The following EYA4 variants were observed in gnomAD, a reference collection of about 807,000 sequenced individuals.
EYA4 encodes protein phosphatase EYA4.
In EYA4, 31 loss-of-function variants were observed where a neutral mutation model predicts 87.9. The observed-to-expected ratio is 0.35, with a 90% CI of 0.27 to 0.48. The LOEUF is 0.48. Among genes scored for constraint, EYA4 ranks in the 20% least tolerant of loss-of-function variants. EYA4 has a pLI of 0.99. For missense variants in EYA4, 678 were observed against 761.4 expected, an observed-to-expected ratio of 0.89 and a Z score of 1.29; for synonymous variants, 263 against 270.6, an observed-to-expected ratio of 0.97 and a Z score of 0.28.
At chr6:133,526,284 G>C (rs1800624700) in intron 19 of EYA4, among the ~76,000 whole-genome samples, 1 of 152,080 alleles carries the variant, frequency 6.6e-6, no homozygotes, top group Non-Finnish European at 1.5e-5. Flanking sequence ...AGCCTATACT[G>C]TTTTACATAG....
chr6:133,299,955 C>CTGTCTATATA (rs1554220544), intron 2 of EYA4, among the ~76,000 whole-genome samples: 1 of 106,208 alleles, frequency 9.4e-6, no homozygotes, highest in African/African-American at 3.4e-5. Context: ...ATCTATCTAT[C>CTGTCTATATA]TATATATATA....
intron 3 of EYA4, among the ~76,000 whole-genome samples, chr6:133,393,827 A>G (rs537219801): frequency 1.3e-5 from 2 of 152,128 alleles, no homozygotes; most frequent in South Asian, 4.1e-4. Context: ...ATCTTCTAAG[A>G]CTAGGGCTCT....
chr6:133,473,690 C>T (rs183105043), intron 11 of EYA4, among the ~76,000 whole-genome samples: 108 of 152,000 alleles, frequency 7.1e-4, no homozygotes, highest in Non-Finnish European at 1.4e-3. Flanking sequence ...GGCACACAGC[C>T]CCTTTGAATT....
intron 3 of EYA4, among the ~76,000 whole-genome samples, chr6:133,383,799 A>G (rs866781986): frequency 6.6e-6 from 1 of 152,152 alleles, no homozygotes; most frequent in African/African-American, 2.4e-5. Flanking sequence ...AACTAATTTT[A>G]GATTATTGGA....
chr6:133,321,800 G>C (rs751462304), intron 2 of EYA4, among the ~76,000 whole-genome samples: 1 of 152,110 alleles, frequency 6.6e-6, no homozygotes, highest in Non-Finnish European at 1.5e-5. Flanking sequence ...GGGAAAATGA[G>C]CACCACACGA....
At chr6:133,315,271 T>C (rs2128340255) in intron 2 of EYA4, among the ~76,000 whole-genome samples, 1 of 152,284 alleles carries the variant, frequency 6.6e-6, no homozygotes, top group East Asian at 1.9e-4. Context: ...CTGTTTTTTA[T>C]AGAATATTTT....
rs77517312 is a variant in EYA4 at position 133,353,827 on chromosome 6, A to G, written c.34-28565A>G. 7.9e-3 allele frequency among the ~76,000 whole-genome samples: 1,204 copies of G among 152,302 alleles called. 19 individuals are homozygous for G. The highest frequency in any genetic ancestry group is 0.027 in the African/African-American group (1,130 of 41,576). ...CTTATCTTGAGTAGTTTTAACTTCT[A>G]TTAAAATGAGATGTGCGAGTTCATT... is the stretch of plus-strand genomic sequence containing the variant. On this transcript the variant is annotated intron_variant, in intron 2 of 19. Coordinates refer to ENST00000355286, the MANE Select transcript of EYA4 (RefSeq NM_004100.5).
intron 3 of EYA4, among the ~76,000 whole-genome samples, chr6:133,441,118 T>G (rs189844732): frequency 6.6e-6 from 1 of 152,262 alleles, no homozygotes; most frequent in Non-Finnish European, 1.5e-5. Context: ...TTTCTCCTGT[T>G]TTTTTGATAA....
intron 2 of EYA4, among the ~76,000 whole-genome samples, chr6:133,300,198 C>T (rs1779286654): frequency 6.6e-6 from 1 of 151,142 alleles, no homozygotes; most frequent in South Asian, 2.1e-4. Context: ...ATAATCTTCA[C>T]GTTGAATAGG....
intron 3 of EYA4, among the ~76,000 whole-genome samples, chr6:133,395,836 T>C (rs212805): frequency 0.79 from 120,101 of 152,216 alleles, 51,050 homozygotes; most frequent in Non-Finnish European, 0.95. Flanking sequence ...GCTTACCCCA[T>C]GTAGAGTCCC....
chr6:133,322,297 A>G (rs967674702), intron 2 of EYA4, among the ~76,000 whole-genome samples: 4 of 152,198 alleles, frequency 2.6e-5, no homozygotes, highest in African/African-American at 7.2e-5. Flanking sequence ...GGAATGTAGA[A>G]TTGTGTAGTC....
chr6:133,380,025 A>G (rs1326976249), intron 2 of EYA4, among the ~76,000 whole-genome samples: 1 of 152,180 alleles, frequency 6.6e-6, no homozygotes, highest in East Asian at 1.9e-4. Context: ...TCCCACATAC[A>G]GTCTCTGAAG....
rs547492727 is a variant in EYA4, at chr6:133,483,406, G to A, written c.1191+291G>A. Among the ~76,000 whole-genome samples the A allele has an allele frequency of 1.6e-4, 24 of 151,992 alleles. 1 individual carries two copies. The highest frequency in any genetic ancestry group is 4.2e-4 in the South Asian group (2 of 4,808). On this transcript the variant is annotated intron_variant, in intron 13 of 19. Transcript: ENST00000355286. ...TATTTTAGAAAAAAAATTGTAAATC[G>A]AAATGGACTTCAAAACATTATAAAA...
At chr6:133,463,375 T>C (rs1050581429) in intron 9 of EYA4, among the ~76,000 whole-genome samples, 6 of 144,072 alleles carry the variant, frequency 4.2e-5, no homozygotes, top group South Asian at 2.2e-4. Context: ...TTTTTTTTTT[T>C]CTGAGATGCA....
At chr6:133,391,684 C>T (rs971907570) in intron 3 of EYA4, among the ~76,000 whole-genome samples, 3 of 152,052 alleles carry the variant, frequency 2.0e-5, no homozygotes, top group Admixed American at 6.6e-5. Context: ...GGAATGTTTT[C>T]AGAGAGTCAG....
At chr6:133,280,585 A>T (rs184316647) in intron 2 of EYA4, among the ~76,000 whole-genome samples, 2 of 152,018 alleles carry the variant, frequency 1.3e-5, no homozygotes, top group Admixed American at 1.3e-4. Context: ...TTTAGTAGAG[A>T]TGGAGTTTCA....
chr6:133,331,358 G>T (rs757168091), intron 2 of EYA4, among the ~76,000 whole-genome samples: 23 of 152,134 alleles, frequency 1.5e-4, no homozygotes, highest in Non-Finnish European at 2.8e-4. Flanking sequence ...CAGAATGGCA[G>T]AACCCAATAA....
intron 3 of EYA4, among the ~76,000 whole-genome samples, chr6:133,387,704 ATAGT>A (rs1786872062): frequency 6.6e-6 from 1 of 152,234 alleles, no homozygotes; most frequent in Non-Finnish European, 1.5e-5. Flanking sequence ...AGATATTCTA[ATAGT>A]TAAATATTCT....
At chr6:133,475,644 A>G (rs894266197) in intron 11 of EYA4, among the ~76,000 whole-genome samples, 1 of 152,142 alleles carries the variant, frequency 6.6e-6, no homozygotes, top group African/African-American at 2.4e-5. Flanking sequence ...AAAGGACCAC[A>G]TTCAACTGCT....
Sources: gnomAD v4.1 joint callset for allele counts (sites outside exome capture counted in the v4.1 genomes callset) on GRCh38, gnomAD v4.1.1 for gene constraint, MANE v1.5 for transcripts, NCBI Gene and HGNC (gene_info 2026-07-23, HGNC 2026-07-21) for gene names.